SLC4A4: variants seen among roughly 807,000 people sequenced by gnomAD.
SLC4A4 encodes solute carrier family 4 member 4.
SLC4A4 carries 27 observed loss-of-function variants against 111.5 expected under a neutral mutation model. The ratio of observed to expected loss-of-function variants is 0.24; its 90% confidence interval spans 0.18 to 0.33. The LOEUF is 0.33. Ranked by LOEUF, SLC4A4 falls within the 10% of genes least tolerant of loss-of-function variation. SLC4A4 has a pLI of 1.00. For missense variants in SLC4A4, 909 were observed against 1,315.5 expected (o/e 0.69, Z 4.78); for synonymous variants, 443 against 463.4 (o/e 0.96, Z 0.57).
At chr4:71,494,720 G>A (rs57535636) in intron 15 of SLC4A4, among the ~76,000 whole-genome samples, 1,790 of 152,072 alleles carry the variant, frequency 0.012, 39 homozygotes, top group African/African-American at 0.039. Flanking sequence ...ACTTGTAAGG[G>A]CTAGAGGGCA....
In SLC4A4 at chr4:71,467,014, C is replaced by T. The variant is rs140350095; in HGVS notation, c.1631+437C>T. ...TGTCTGCCTTTCCCCAGCTCACCGT[C>T]TTTGTTTTAGCACAGCATTCTGGCA... is the stretch of plus-strand genomic sequence containing the variant. On this transcript the variant is annotated intron_variant, in intron 13 of 25. Coordinates refer to ENST00000264485, the MANE Select transcript of SLC4A4 (RefSeq NM_001098484.3). Among the ~76,000 whole-genome samples, 740 of 151,210 alleles carry T rather than the reference C, an allele frequency of 4.9e-3. 6 individuals carry two copies. The highest frequency in any genetic ancestry group is 0.017 in the African/African-American group (709 of 41,224).
At chr4:71,389,943 A>G (rs1254104888) in intron 6 of SLC4A4, among the ~76,000 whole-genome samples, 1 of 152,170 alleles carries the variant, frequency 6.6e-6, no homozygotes, top group Non-Finnish European at 1.5e-5. Flanking sequence ...AAAAATACCC[A>G]AACTGATTTT....
chr4:71,176,571 G>A (rs1048554635), intron 2 of SLC4A4, among the ~76,000 whole-genome samples: 1 of 152,188 alleles, frequency 6.6e-6, no homozygotes, highest in African/African-American at 2.4e-5. Context: ...CTGGAAGAAA[G>A]GGTATCAGTG....
chr4:71,360,108 C>T (rs1388647991), intron 6 of SLC4A4, among the ~76,000 whole-genome samples: 1 of 152,038 alleles, frequency 6.6e-6, no homozygotes, highest in Non-Finnish European at 1.5e-5. Context: ...ACAAAGATAA[C>T]GAATACTGAA....
At chr4:71,416,490 C>T (rs1365076742) in intron 7 of SLC4A4, among the ~76,000 whole-genome samples, 1 of 152,108 alleles carries the variant, frequency 6.6e-6, no homozygotes, top group Non-Finnish European at 1.5e-5. Flanking sequence ...TATTTTCAGA[C>T]CCTGCTTGAC....
chr4:71,148,503 A>C (rs1254020832), intron 2 of SLC4A4, among the ~76,000 whole-genome samples: 3 of 152,130 alleles, frequency 2.0e-5, no homozygotes, highest in Non-Finnish European at 4.4e-5. Context: ...CCGGGTATTA[A>C]GCCTAGTACT....
At chr4:71,303,177 C>A (rs1725403018) in intron 3 of SLC4A4, among the ~76,000 whole-genome samples, 1 of 152,104 alleles carries the variant, frequency 6.6e-6, no homozygotes, top group African/African-American at 2.4e-5. Context: ...ATTACAGATA[C>A]AAATCTGAGG....
chr4:71,511,453 T>A (rs1157799070), intron 16 of SLC4A4, among the ~76,000 whole-genome samples: 4 of 152,122 alleles, frequency 2.6e-5, no homozygotes, highest in East Asian at 1.9e-4. Context: ...TTTCATTTTT[T>A]AAGGTGTCTT....
chr4:71,437,829 C>T (rs921947918), intron 7 of SLC4A4: 7 of 234,066 alleles, frequency 3.0e-5, no homozygotes, highest in African/African-American at 1.6e-4. Context: ...TGTGTGTGGC[C>T]TCGTGGGGGC....
chr4:71,211,165 A>G (rs561417178), intron 1 of SLC4A4, among the ~76,000 whole-genome samples: 21 of 152,318 alleles, frequency 1.4e-4, no homozygotes, highest in African/African-American at 4.3e-4. Context: ...TACCTTCACA[A>G]AACAGTTTAT....
intron 2 of SLC4A4, among the ~76,000 whole-genome samples, chr4:71,110,519 A>T (rs77857956): frequency 0.041 from 6,248 of 152,298 alleles, 184 homozygotes; most frequent in African/African-American, 0.077. Flanking sequence ...TCTCATGGTA[A>T]CTTTTATGTT....
intron 1 of SLC4A4, among the ~76,000 whole-genome samples, chr4:71,086,166 A>G (rs888535763): frequency 6.6e-6 from 1 of 151,588 alleles, no homozygotes; most frequent in Non-Finnish European, 1.5e-5. Flanking sequence ...CTTTGAAGCA[A>G]TTGTGAATGG....
chr4:71,390,998 C>T (rs1719200524), intron 6 of SLC4A4, among the ~76,000 whole-genome samples: 2 of 152,076 alleles, frequency 1.3e-5, no homozygotes, highest in Non-Finnish European at 2.9e-5. Context: ...TTGACCATTA[C>T]TCTCGAATAT....
chr4:71,529,837 G>T (rs916026948), intron 16 of SLC4A4, among the ~76,000 whole-genome samples: 1 of 152,114 alleles, frequency 6.6e-6, no homozygotes, highest in Non-Finnish European at 1.5e-5. Flanking sequence ...GGTGAGGATT[G>T]TAAGGGTGGT....
chr4:71,162,428 T>C (rs949029420), intron 2 of SLC4A4, among the ~76,000 whole-genome samples: 1 of 152,196 alleles, frequency 6.6e-6, no homozygotes, highest in Non-Finnish European at 1.5e-5. Flanking sequence ...TCCTGTTTGA[T>C]GGCACCACTG....
chr4:71,265,778 G>T (rs1722203884), intron 3 of SLC4A4, among the ~76,000 whole-genome samples: 1 of 151,874 alleles, frequency 6.6e-6, no homozygotes, highest in South Asian at 2.1e-4. Flanking sequence ...TTACCTCTTT[G>T]TGTTGGTTTT....
At chr4:71,202,204 T>G (rs1178627964) in intron 1 of SLC4A4, among the ~76,000 whole-genome samples, 1 of 152,258 alleles carries the variant, frequency 6.6e-6, no homozygotes, top group Admixed American at 6.5e-5. Context: ...TTTCCGTATT[T>G]AAATTCCATA....
chr4:71,388,982 G>A (rs1359268856), intron 6 of SLC4A4, among the ~76,000 whole-genome samples: 5 of 152,180 alleles, frequency 3.3e-5, no homozygotes, highest in Non-Finnish European at 7.4e-5. Flanking sequence ...TGAAATTTTT[G>A]TATTTGATAT....
At chr4:71,358,667 C>T (rs925061776) in intron 6 of SLC4A4, among the ~76,000 whole-genome samples, 2 of 151,948 alleles carry the variant, frequency 1.3e-5, no homozygotes, top group Non-Finnish European at 2.9e-5. Context: ...TAGAATATTG[C>T]TGCTGATGGG....
Sources: gnomAD v4.1 joint callset for allele counts (sites outside exome capture counted in the v4.1 genomes callset) on GRCh38, gnomAD v4.1.1 for gene constraint, MANE v1.5 for transcripts, NCBI Gene and HGNC (gene_info 2026-07-23, HGNC 2026-07-21) for gene names.